The following TMPRSS11F variants were observed in gnomAD, a reference collection of about 807,000 sequenced individuals.
TMPRSS11F encodes the protein transmembrane serine protease 11F.
A neutral mutation model predicts 60.2 loss-of-function variants in TMPRSS11F; 47 were observed. That is an observed-to-expected ratio of 0.78 (90% CI 0.62 to 1.00). TMPRSS11F has a LOEUF of 1.00. TMPRSS11F is among the 50% of genes least tolerant of loss of function. TMPRSS11F has a pLI of 0.00. For missense variants in TMPRSS11F, 519 were observed against 522.9 expected (o/e 0.99, Z 0.07); for synonymous variants, 166 against 167.3 (o/e 0.99, Z 0.06).
chr4:68,091,412 C>A (rs1221611536), intron 2 of TMPRSS11F, among the ~76,000 whole-genome samples: 1 of 152,016 alleles, frequency 6.6e-6, no homozygotes, highest in Non-Finnish European at 1.5e-5. Context: ...TTTTGGTAAT[C>A]TTAACTGGGA....
At chr4:68,112,281 C>T (rs1204797035) in intron 1 of TMPRSS11F, among the ~76,000 whole-genome samples, 1 of 151,736 alleles carries the variant, frequency 6.6e-6, no homozygotes, top group Non-Finnish European at 1.5e-5. Flanking sequence ...AGCTGTGGGC[C>T]CCATCGGCAC....
Position 68,114,870 on chromosome 4 carries a change from C to T in TMPRSS11F, c.11+14940G>A, listed in dbSNP as rs1411246051. Among the ~76,000 whole-genome samples the T allele has an allele frequency of 2.0e-5, 3 of 151,086 alleles. No individual in the cohort carries two copies. The East Asian group carries it at 5.9e-4, about 30-fold the overall frequency. ...GTTAGTTCAAAATTTGAAAACCAAT[C>T]AGTATAACTCATAGTATTTACAGAC... On this transcript the variant is annotated intron_variant, in intron 1 of 9. Coordinates refer to ENST00000356291, the MANE Select transcript of TMPRSS11F (RefSeq NM_207407.2).
intron 5 of TMPRSS11F, among the ~76,000 whole-genome samples, chr4:68,071,350 A>G (rs888521038): frequency 2.0e-5 from 3 of 152,240 alleles, no homozygotes; most frequent in Non-Finnish European, 4.4e-5. Context: ...TTAACTTTAG[A>G]TAACTTGTTT....
At chr4:68,104,005 AC>A (rs1724248491) in intron 1 of TMPRSS11F, among the ~76,000 whole-genome samples, 1 of 152,214 alleles carries the variant, frequency 6.6e-6, no homozygotes, top group South Asian at 2.1e-4. Context: ...TTGATTTTGT[AC>A]CCCGCAACGT....
Position 68,097,579 on chromosome 4 carries a change from T to C in TMPRSS11F, c.163+1308A>G, listed in dbSNP as rs112088379. Among the ~76,000 whole-genome samples, 459 of 127,042 alleles carry C rather than the reference T, an allele frequency of 3.6e-3. 5 individuals are homozygous for C. The highest frequency in any genetic ancestry group is 0.011 in the African/African-American group (445 of 40,784). 83.3% of individuals were successfully genotyped at this position (127,042 alleles called of 152,430 possible). The stretch of plus-strand genomic sequence containing the variant: ...GCCTTTTTGCTACATAAGGTAACAT[T>C]CACAGATTCTAACAATTAGGACATG... On this transcript the variant is annotated intron_variant, in intron 2 of 9. Coordinates refer to ENST00000356291, the MANE Select transcript of TMPRSS11F (RefSeq NM_207407.2).
At chr4:68,066,289 T>C (rs1007486928) in intron 7 of TMPRSS11F, among the ~76,000 whole-genome samples, 2 of 152,106 alleles carry the variant, frequency 1.3e-5, no homozygotes, top group Admixed American at 6.5e-5. Context: ...CAAAGACATA[T>C]ATGACTTCAG....
At chr4:68,065,679 C>T (rs1447859726) in intron 7 of TMPRSS11F, among the ~76,000 whole-genome samples, 1 of 152,006 alleles carries the variant, frequency 6.6e-6, no homozygotes, top group African/African-American at 2.4e-5. Context: ...TATCCTCATC[C>T]TGGGTGACTG....
At chr4:68,119,073 G>A (rs573961320) in intron 1 of TMPRSS11F, among the ~76,000 whole-genome samples, 21 of 152,202 alleles carry the variant, frequency 1.4e-4, no homozygotes, top group Middle Eastern at 6.8e-3. Context: ...TAAGAAAGTA[G>A]AACAGATTTA....
At chr4:68,056,992 G>T (rs544759501) in intron 9 of TMPRSS11F, among the ~76,000 whole-genome samples, 249 of 152,206 alleles carry the variant, frequency 1.6e-3, no homozygotes, top group African/African-American at 5.8e-3. Context: ...TATATCAGAA[G>T]GATAAAATTA....
At chr4:68,069,179 C>T (rs556723093) in intron 6 of TMPRSS11F, among the ~76,000 whole-genome samples, 89 of 152,224 alleles carry the variant, frequency 5.8e-4, no homozygotes, top group African/African-American at 2.0e-3. Context: ...ACATTGCTGG[C>T]GGTCACCCAG....
At chr4:68,093,816 C>T (rs1724006191) in intron 2 of TMPRSS11F, among the ~76,000 whole-genome samples, 1 of 150,818 alleles carries the variant, frequency 6.6e-6, no homozygotes, top group Non-Finnish European at 1.5e-5. Context: ...CATCACTGGC[C>T]ATCAGAGAAC....
chr4:68,091,976 C>T (rs900292996), intron 2 of TMPRSS11F, among the ~76,000 whole-genome samples: 18 of 151,754 alleles, frequency 1.2e-4, no homozygotes, highest in African/African-American at 4.4e-4. Context: ...TAGTAGAGAA[C>T]AGTTTCACCA....
At chr4:68,103,824 T>G (rs1485528765) in intron 1 of TMPRSS11F, among the ~76,000 whole-genome samples, 1 of 152,204 alleles carries the variant, frequency 6.6e-6, no homozygotes, top group Non-Finnish European at 1.5e-5. Context: ...TTGTCTTTAT[T>G]TCTTTCGTAT....
chr4:68,089,998 T>G, intron 3 of TMPRSS11F, among the ~76,000 whole-genome samples: 1 of 152,110 alleles, frequency 6.6e-6, no homozygotes, highest in East Asian at 1.9e-4. Flanking sequence ...CTATGACAGT[T>G]AAGGAGATGG....
intron 7 of TMPRSS11F, among the ~76,000 whole-genome samples, chr4:68,067,912 G>A (rs1385581506): frequency 6.6e-6 from 1 of 152,170 alleles, no homozygotes; most frequent in East Asian, 1.9e-4. Context: ...GTACCATGAT[G>A]GTAAAACCTC....
intron 8 of TMPRSS11F, among the ~76,000 whole-genome samples, chr4:68,061,173 A>G (rs1266148033): frequency 6.6e-6 from 1 of 152,240 alleles, no homozygotes; most frequent in Admixed American, 6.5e-5. Context: ...ATAAAAACAA[A>G]TGAAAGTGAC....
At chr4:68,119,730 G>A (rs1179133077) in intron 1 of TMPRSS11F, among the ~76,000 whole-genome samples, 1 of 152,224 alleles carries the variant, frequency 6.6e-6, no homozygotes, top group Non-Finnish European at 1.5e-5. Context: ...AATGCATATC[G>A]GGTCACCCCA....
At position 68,080,815 on chromosome 4, in the gene TMPRSS11F, C is replaced by T. The variant is rs1255966957; in HGVS notation, c.283-6806G>A. The T allele has an allele frequency of 2.6e-5, 4 of 152,156 alleles. No homozygotes were observed. In the East Asian group the frequency reaches 7.7e-4, roughly 29 times the overall value. 9.4% of individuals were successfully genotyped at this position (152,156 alleles called of 1,614,324 possible). ...TCTGTGTTTTGGAATATAACCTATACAAAAATAAATTAATTGGTACTAGAT... is the reference window on the plus strand; with the variant it reads ...TCTGTGTTTTGGAATATAACCTATATAAAAATAAATTAATTGGTACTAGAT... On this transcript the variant is annotated intron_variant, in intron 3 of 9. Transcript: ENST00000356291.
chr4:68,119,679 CA>C (rs910423850), intron 1 of TMPRSS11F, among the ~76,000 whole-genome samples: 3 of 151,990 alleles, frequency 2.0e-5, no homozygotes, highest in Non-Finnish European at 4.4e-5. Context: ...CTTATTGCTC[CA>C]AAAAAAGAGA....
Sources: allele counts gnomAD v4.1 joint callset (sites outside exome capture counted in the v4.1 genomes callset), GRCh38; gene constraint gnomAD v4.1.1; transcripts MANE v1.5; gene names NCBI Gene and HGNC (gene_info 2026-07-23, HGNC 2026-07-21).